MACO1: variants seen among roughly 807,000 people sequenced by gnomAD.
The protein encoded by MACO1 is macoilin.
A neutral mutation model predicts 78.7 loss-of-function variants in MACO1; 14 were observed. The observed-to-expected ratio is 0.18, with a 90% CI of 0.12 to 0.28. The LOEUF (loss-of-function observed/expected upper bound fraction) is 0.28. Among genes scored for constraint, MACO1 ranks in the 10% least tolerant of loss-of-function variants. The probability of loss-of-function intolerance (pLI) is 1.00; values close to 1 mark genes in which losing one functional copy is unlikely to be tolerated. For missense variants in MACO1, 501 were observed against 799.0 expected (o/e 0.63, Z 4.50); for synonymous variants, 288 against 291.6 (o/e 0.99, Z 0.12).
In MACO1 at chr1:25,474,010, G is replaced by A. The variant is rs562688192; in HGVS notation, c.1155-10106G>A. Among the ~76,000 whole-genome samples, 6 of 152,328 alleles carry A rather than the reference G, an allele frequency of 3.9e-5. No individual in the cohort carries two copies. In the East Asian group the frequency reaches 1.2e-3, roughly 29 times the overall value. ...ACTCTGCTCCAGAGCAAGTATTGCAGACTCAGACTCCTACAGGAGTGAGTG... is the reference window on the plus strand; with the variant it reads ...ACTCTGCTCCAGAGCAAGTATTGCAAACTCAGACTCCTACAGGAGTGAGTG... On this transcript the variant is annotated intron_variant, in intron 6 of 10. Coordinates refer to ENST00000374343, the MANE Select transcript of MACO1 (RefSeq NM_018202.6).
At chr1:25,493,672 A>C (rs115939254) in intron 10 of MACO1, among the ~76,000 whole-genome samples, 2,024 of 148,238 alleles carry the variant, frequency 0.014, 51 homozygotes, top group African/African-American at 0.048. Flanking sequence ...AAGTGGCATT[A>C]TTTTACATTT....
intron 6 of MACO1, among the ~76,000 whole-genome samples, chr1:25,477,712 G>C (rs997518120): frequency 6.6e-6 from 1 of 152,154 alleles, no homozygotes; most frequent in Non-Finnish European, 1.5e-5. Flanking sequence ...CTGCCCTGAT[G>C]CCTTAAACTT....
chr1:25,491,874 G>A (rs148961256), intron 10 of MACO1, among the ~76,000 whole-genome samples: 5 of 152,330 alleles, frequency 3.3e-5, no homozygotes, highest in Admixed American at 3.3e-4. Flanking sequence ...GCATCAAAAG[G>A]TGCTTAGGTA....
intron 6 of MACO1, among the ~76,000 whole-genome samples, chr1:25,475,502 A>G (rs1243012598): frequency 6.6e-6 from 1 of 150,756 alleles, no homozygotes; most frequent in Non-Finnish European, 1.5e-5. Context: ...ACTTGAGTCC[A>G]GGAGTTAGCT....
chr1:25,473,190 CTCTG>C (rs67595476), intron 6 of MACO1, among the ~76,000 whole-genome samples: 59,425 of 142,940 alleles, frequency 0.42, 13,515 homozygotes, highest in East Asian at 0.72. Context: ...TATAGTTTGA[CTCTG>C]TTTATATTAA....
At chr1:25,466,339 G>A (rs973064699) in intron 6 of MACO1, among the ~76,000 whole-genome samples, 6 of 152,064 alleles carry the variant, frequency 3.9e-5, no homozygotes, top group Non-Finnish European at 7.4e-5. Flanking sequence ...TTGAGACGGA[G>A]TTTCACTCTT....
At chr1:25,477,578 A>T (rs2043333410) in intron 6 of MACO1, among the ~76,000 whole-genome samples, 2 of 152,210 alleles carry the variant, frequency 1.3e-5, no homozygotes, top group Non-Finnish European at 2.9e-5. Flanking sequence ...GCCCACAGAC[A>T]TATATCTTTA....
intron 5 of MACO1, among the ~76,000 whole-genome samples, chr1:25,457,894 G>A (rs2043135021): frequency 6.6e-6 from 1 of 152,178 alleles, no homozygotes; most frequent in Admixed American, 6.5e-5. Flanking sequence ...CAACACTAGA[G>A]TCCAGAAAAA....
chr1:25,440,559 A>G (rs1364242432), intron 1 of MACO1, among the ~76,000 whole-genome samples: 2 of 152,070 alleles, frequency 1.3e-5, no homozygotes, highest in African/African-American at 4.8e-5. Flanking sequence ...ACCTGAGGTC[A>G]GGAGTTCGAG....
intron 8 of MACO1, among the ~76,000 whole-genome samples, chr1:25,488,548 C>G (rs2043455326): frequency 6.6e-6 from 1 of 151,830 alleles, no homozygotes; most frequent in Non-Finnish European, 1.5e-5. Flanking sequence ...GGCTAACGTG[C>G]TGTGACACCA....
At chr1:25,452,598 T>A (rs1382584899) in intron 3 of MACO1, among the ~76,000 whole-genome samples, 4 of 152,226 alleles carry the variant, frequency 2.6e-5, no homozygotes, top group African/African-American at 9.6e-5. Flanking sequence ...TTTAGGAACC[T>A]TCAACATATT....
At chr1:25,447,060 A>G (rs1189630631) in intron 2 of MACO1, among the ~76,000 whole-genome samples, 157 bp downstream of exon 2, 1 of 152,202 alleles carries the variant, frequency 6.6e-6, no homozygotes, top group Admixed American at 6.5e-5. Context: ...CCATTGATCA[A>G]ATAGTTACAT....
At chr1:25,449,070 A>G (rs1289256171) in intron 3 of MACO1, 136 bp downstream of exon 3, 25 of 653,084 alleles carry the variant, frequency 3.8e-5, no homozygotes, top group Non-Finnish European at 4.6e-5. Flanking sequence ...ATAGGTTATA[A>G]TATACCTTCA....
intron 8 of MACO1, among the ~76,000 whole-genome samples, chr1:25,488,577 T>C (rs2043455444): frequency 6.6e-6 from 1 of 152,050 alleles, no homozygotes; most frequent in South Asian, 2.1e-4. Context: ...CAGTGCAGCC[T>C]CTGCCTCCCA....
chr1:25,450,133 A>G (rs2043052608), intron 3 of MACO1, among the ~76,000 whole-genome samples: 1 of 152,170 alleles, frequency 6.6e-6, no homozygotes, highest in Non-Finnish European at 1.5e-5. Flanking sequence ...AATGAATGTA[A>G]TCTCCCTTCC....
chr1:25,480,930 ATATAT>A (rs1291729479), intron 6 of MACO1, among the ~76,000 whole-genome samples: 187 of 75,116 alleles, frequency 2.5e-3, no homozygotes, highest in African/African-American at 3.4e-3. Flanking sequence ...AAAAAAAAAA[ATATAT>A]ATATATATAT....
intron 6 of MACO1, among the ~76,000 whole-genome samples, chr1:25,479,534 C>T (rs1276488403): frequency 6.6e-6 from 1 of 152,138 alleles, no homozygotes; most frequent in African/African-American, 2.4e-5. Flanking sequence ...CTGCCTCAGC[C>T]TCCCCTGGTA....
rs753706787 is a variant in MACO1 at position 25,452,877 on chromosome 1, A to G, written c.350-1382A>G. Among the ~76,000 whole-genome samples the G allele has an allele frequency of 1.6e-4, 24 of 151,770 alleles. 1 individual carries two copies. The highest frequency in any genetic ancestry group is 2.9e-4 in the Non-Finnish European group (20 of 67,980). The stretch of plus-strand genomic sequence containing the variant: ...ATGCCCAGCTAATTTTTGTGTTTTT[A>G]GTAGAGATGGGGTTTCACCATGTTA... On this transcript the variant is annotated intron_variant, in intron 3 of 10. Coordinates refer to ENST00000374343, the MANE Select transcript of MACO1 (RefSeq NM_018202.6).
At chr1:25,467,973 T>C (rs1027669996) in intron 6 of MACO1, among the ~76,000 whole-genome samples, 8 of 152,340 alleles carry the variant, frequency 5.3e-5, no homozygotes, top group Non-Finnish European at 1.0e-4. Flanking sequence ...GCTTGCTTTT[T>C]CTGCTTTATA....
Sources: gnomAD v4.1 joint callset for allele counts (sites outside exome capture counted in the v4.1 genomes callset) on GRCh38, gnomAD v4.1.1 for gene constraint, MANE v1.5 for transcripts, NCBI Gene and HGNC (gene_info 2026-07-23, HGNC 2026-07-21) for gene names.